The following IER5L variants were observed in gnomAD, a reference collection of about 807,000 sequenced individuals.
The protein encoded by IER5L is immediate early response 5 like.
IER5L carries 6 observed loss-of-function variants against 28.3 expected under a neutral mutation model. The ratio of observed to expected loss-of-function variants is 0.21; its 90% CI spans 0.12 to 0.42. IER5L has a LOEUF of 0.42. IER5L is among the 10% of genes least tolerant of loss of function. The probability of loss-of-function intolerance (pLI) is 1.00; values close to 1 mark genes in which losing one functional copy is unlikely to be tolerated. For missense variants in IER5L, 607 were observed against 575.2 expected (o/e 1.06, Z -0.56); for synonymous variants, 351 against 282.5 (o/e 1.24, Z -2.43).
rs760245687 is a variant in IER5L, at chr9:129,177,288, G to A, written c.765C>T (p.Thr255=). 9 of 1,464,698 alleles carry A rather than the reference G, an allele frequency of 6.1e-6. No individual in the cohort carries two copies. Among genetic ancestry groups the A allele is most frequent in the Admixed American group, 2.5e-5 (1 of 40,078 alleles). 90.7% of individuals were successfully genotyped at this position (1,464,698 alleles called of 1,614,324 possible). ...CCACGTGAGTGTCTAGGTCCAGCAC[G>A]GTGGTCTGGCTGCTGCAGTGCAAGC... ...DFGLHCSSQT[T]VLDLDTHVVT... Residue 255 remains threonine, a synonymous_variant, in exon 1 of 1, where the codon ACC becomes ACT. Coordinates refer to ENST00000372491, the MANE Select transcript of IER5L (RefSeq NM_203434.3).
In IER5L at chr9:129,176,062, G is replaced by GCCCCCCA. The variant is rs1366676581; in HGVS notation, c.*769_*775dup. The GCCCCCCA allele has an allele frequency of 6.2e-5, 2 of 32,092 alleles. No homozygotes were observed. The highest frequency in any genetic ancestry group is 2.5e-4 in the African/African-American group (2 of 8,054). The allele number at this position is 32,092 out of a possible 1,614,324, so 2.0% of individuals were successfully genotyped here. On this transcript the variant is annotated 3_prime_UTR_variant, in exon 1 of 1. Transcript: ENST00000372491. Reference sequence around the variant, plus strand: ...ATGGGAAATGTAGTCCGCCGTGCCCGCCCCCCACCCCTTACCCAGTGTCCG... The same window carrying GCCCCCCA: ...ATGGGAAATGTAGTCCGCCGTGCCCGCCCCCCACCCCCCACCCCTTACCCAGTGTCCG...
Position 129,176,928 on chromosome 9 carries a change from C to G in IER5L, c.1125G>C (p.Ser375=). 1 of 1,604,492 alleles carries G rather than the reference C, an allele frequency of 6.2e-7. No homozygotes were observed. Among genetic ancestry groups the G allele is most frequent in the Non-Finnish European group, 8.5e-7 (1 of 1,176,888 alleles). ...SGLVSRQPDS[S]EQPPPLNGQL... ...GCCCGTTGAGCGGCGGCGGCTGCTCCGAGGAGTCCGGCTGTCGGCTCACCA... is the reference window on the plus strand; with the variant it reads ...GCCCGTTGAGCGGCGGCGGCTGCTCGGAGGAGTCCGGCTGTCGGCTCACCA... The change falls in exon 1 of 1, where the codon TCG becomes TCC. Residue 375 remains serine, a synonymous_variant. Coordinates refer to ENST00000372491, the MANE Select transcript of IER5L (RefSeq NM_203434.3).
chr9:129,177,661 T>G lies in IER5L; in HGVS notation c.392A>C (p.His131Pro), dbSNP rs1387100288. Residue 131 changes from histidine to proline, a missense_variant, in exon 1 of 1, where the codon CAC becomes CCC. Coordinates refer to ENST00000372491, the MANE Select transcript of IER5L (RefSeq NM_203434.3). ...CGCCGCGCAGCCCCTGGGCGCCGGG[T>G]GCTGGTGCTGGTGCAGCTGCTGCTG... is the stretch of plus-strand genomic sequence containing the variant. ...HLQQQLHQHQ[H>P]PAPRGCAAAA... The G allele has an allele frequency of 6.7e-6, 9 of 1,349,328 alleles. No homozygotes were observed. The highest frequency in any genetic ancestry group is 7.6e-6 in the Non-Finnish European group (8 of 1,051,798). 83.6% of individuals were successfully genotyped at this position (1,349,328 alleles called of 1,614,324 possible).
Position 129,176,922 on chromosome 9 carries a change from C to A in IER5L, c.1131G>T (p.Gln377His). Residue 377 changes from glutamine (Q) to histidine (H), a missense_variant, in exon 1 of 1, where the codon CAG (glutamine) becomes CAT (histidine). Gln to His is a conservative substitution (Grantham distance 24). Coordinates refer to ENST00000372491, the MANE Select transcript of IER5L (RefSeq NM_203434.3). ...LVSRQPDSSE[Q>H]PPPLNGQLCA... The stretch of plus-strand genomic sequence containing the variant: ...ACAGCTGCCCGTTGAGCGGCGGCGG[C>A]TGCTCCGAGGAGTCCGGCTGTCGGC... 6.2e-7 allele frequency: 1 copy of A among 1,604,560 alleles called. No homozygotes were observed. Among genetic ancestry groups the A allele is most frequent in the Non-Finnish European group, 8.5e-7 (1 of 1,176,780 alleles).
chr9:129,176,391 G>A lies in IER5L; in HGVS notation c.*447C>T, dbSNP rs1829397558. On this transcript the variant is annotated 3_prime_UTR_variant, in exon 1 of 1. Transcript: ENST00000372491. ...GGGACTCGGGAGAGCGGAACGTCGGGCTTCCCGGGTCTGACAACTGATTGG... is the reference window on the plus strand; with the variant it reads ...GGGACTCGGGAGAGCGGAACGTCGGACTTCCCGGGTCTGACAACTGATTGG... The A allele has an allele frequency of 6.6e-6, 1 of 152,238 alleles. No individual in the cohort carries two copies. Among genetic ancestry groups the A allele is most frequent in the Middle Eastern group, 3.2e-3 (1 of 316 alleles). 9.4% of individuals were successfully genotyped at this position (152,238 alleles called of 1,614,324 possible).
At position 129,177,436 on chromosome 9, in the gene IER5L, G is replaced by A. The variant is rs995258571; in HGVS notation, c.617C>T (p.Ala206Val). The change falls in exon 1 of 1, where the codon GCC (alanine) becomes GTC (valine). Residue 206 changes from alanine (A) to valine (V), a missense_variant. Physicochemically the swap from Ala to Val is moderately conservative, Grantham distance 64. Transcript: ENST00000372491. ...GGCCCCTGGGGGCGCGGAGCAGGCG[G>A]CCGGGGCGCGAGGGTCCCGCGGGCA... Reference protein sequence around the residue: ...ALCPRDPRAPAACSAPPGAAP... With the variant: ...ALCPRDPRAPVACSAPPGAAP... 8 of 1,194,000 alleles carry A rather than the reference G, an allele frequency of 6.7e-6. No individual in the cohort carries two copies. The African/African-American group carries it at 8.0e-5, about 12-fold the overall frequency. The allele number at this position is 1,194,000 out of a possible 1,614,324, so 74.0% of individuals were successfully genotyped here.
rs1829423042 is a variant in IER5L at position 129,177,230 on chromosome 9, C to T, written c.823G>A (p.Asp275Asn). Residue 275 changes from aspartate (D) to asparagine (N), a missense_variant, in exon 1 of 1, where the codon GAC (aspartate) becomes AAC (asparagine). By Grantham distance (23) the Asp-to-Asn change is conservative. Coordinates refer to ENST00000372491, the MANE Select transcript of IER5L (RefSeq NM_203434.3). ...TTVENGYLHQ[D>N]CCASAHCPCC... Reference sequence around the variant, plus strand: ...GGGCAGTGGGCGGAGGCGCAGCAGTCCTGGTGCAAGTAGCCGTTCTCCACC... The same window carrying T: ...GGGCAGTGGGCGGAGGCGCAGCAGTTCTGGTGCAAGTAGCCGTTCTCCACC... 7 of 1,468,282 alleles carry T rather than the reference C, an allele frequency of 4.8e-6. No individual in the cohort carries two copies. Among genetic ancestry groups the T allele is most frequent in the Non-Finnish European group, 6.2e-6 (7 of 1,120,012 alleles). 91.0% of individuals were successfully genotyped at this position (1,468,282 alleles called of 1,614,324 possible).
Position 129,178,098 on chromosome 9 carries a change from T to C in IER5L, c.-46A>G. Reference sequence around the variant, plus strand: ...GGAGCAGCCGCCGCCGCTGCTGCTGTTAACGCTTCTGCTGTTTCTGCCTCC... The same window carrying C: ...GGAGCAGCCGCCGCCGCTGCTGCTGCTAACGCTTCTGCTGTTTCTGCCTCC... On this transcript the variant is annotated 5_prime_UTR_variant, in exon 1 of 1. Coordinates refer to ENST00000372491, the MANE Select transcript of IER5L (RefSeq NM_203434.3). 1 of 1,365,520 alleles carries C rather than the reference T, an allele frequency of 7.3e-7. No individual in the cohort carries two copies. The highest frequency in any genetic ancestry group is 9.5e-7 in the Non-Finnish European group (1 of 1,055,724). 84.6% of individuals were successfully genotyped at this position (1,365,520 alleles called of 1,614,324 possible).
In IER5L at chr9:129,176,742, C is replaced by G. The variant is rs968298804; in HGVS notation, c.*96G>C. Reference sequence around the variant, plus strand: ...TCGCCCCCAGCTCAGCCCCGAGTGGCCCGGCGCCCGCTCGTTCCCTCCTCT... The same window carrying G: ...TCGCCCCCAGCTCAGCCCCGAGTGGGCCGGCGCCCGCTCGTTCCCTCCTCT... On this transcript the variant is annotated 3_prime_UTR_variant, in exon 1 of 1. Coordinates refer to ENST00000372491, the MANE Select transcript of IER5L (RefSeq NM_203434.3). 7.2e-7 allele frequency: 1 copy of G among 1,382,038 alleles called. No homozygotes were observed. The highest frequency in any genetic ancestry group is 9.3e-7 in the Non-Finnish European group (1 of 1,071,024). The allele number at this position is 1,382,038 out of a possible 1,614,324, so 85.6% of individuals were successfully genotyped here. A position where few individuals can be genotyped will look rare whatever the true frequency, so the allele number is the denominator to read the frequency against.
chr9:129,177,355 G>A lies in IER5L; in HGVS notation c.698C>T (p.Pro233Leu), dbSNP rs756707438. 11 of 1,306,868 alleles carry A rather than the reference G, an allele frequency of 8.4e-6. No homozygotes were observed. The highest frequency in any genetic ancestry group is 2.8e-5 in the South Asian group (1 of 35,162). 81.0% of individuals were successfully genotyped at this position (1,306,868 alleles called of 1,614,324 possible). ...AGGGTATGCGCCCCGGTAGAAGCCG[G>A]GGGAGGAGGCGGGGGCCGGGGAGGC... The part of the protein sequence containing the change: ...PPASPAPASS[P>L]GFYRGAYPTP... The change falls in exon 1 of 1, where the codon CCC becomes CTC. Residue 233 changes from proline to leucine, a missense_variant. Physicochemically the swap from Pro to Leu is moderately conservative, Grantham distance 98. Transcript: ENST00000372491.
Position 129,176,994 on chromosome 9 carries a change from G to A in IER5L, c.1059C>T (p.Ile353=), listed in dbSNP as rs775834845. 1.2e-5 allele frequency: 19 copies of A among 1,600,240 alleles called. No individual in the cohort carries two copies. The highest frequency in any genetic ancestry group is 4.1e-5 in the African/African-American group (3 of 73,350). The change falls in exon 1 of 1, where the codon ATC becomes ATT. Residue 353 remains isoleucine (I), a synonymous_variant. Coordinates refer to ENST00000372491, the MANE Select transcript of IER5L (RefSeq NM_203434.3). ...AGCCAAAGATGGAGATCAAGTTTGA[G>A]ATGTTGGACGCGTCCGGGGACGAGT... The part of the protein sequence containing the change: ...CPDSSPDASN[I]SNLISIFGSG...
chr9:129,177,154 C>T lies in IER5L; in HGVS notation c.899G>A (p.Cys300Tyr). The T allele has an allele frequency of 1.4e-6, 2 of 1,468,956 alleles. No homozygotes were observed. The highest frequency in any genetic ancestry group is 2.6e-5 in the East Asian group (1 of 38,742). 91.0% of individuals were successfully genotyped at this position (1,468,956 alleles called of 1,614,324 possible). A position where few individuals can be genotyped will look rare whatever the true frequency, so the allele number is the denominator to read the frequency against. ...CTGGCCAGGGTAATACTTGCGCTTG[C>T]AGCCGGCGGCGGACGCCAGGCCCGG... Reference protein sequence around the residue: ...PGPGLASAAGCKRKYYPGQEE... With the variant: ...PGPGLASAAGYKRKYYPGQEE... Residue 300 changes from cysteine to tyrosine, a missense_variant, in exon 1 of 1, where the codon TGC becomes TAC. Coordinates refer to ENST00000372491, the MANE Select transcript of IER5L (RefSeq NM_203434.3).
In IER5L at chr9:129,176,202, G is replaced by A. The variant is rs549463039; in HGVS notation, c.*636C>T. The A allele has an allele frequency of 3.0e-4, 45 of 151,818 alleles. No individual in the cohort carries two copies. The highest frequency in any genetic ancestry group is 1.0e-3 in the African/African-American group (42 of 41,474). 9.4% of individuals were successfully genotyped at this position (151,818 alleles called of 1,614,324 possible). On this transcript the variant is annotated 3_prime_UTR_variant, in exon 1 of 1. Coordinates refer to ENST00000372491, the MANE Select transcript of IER5L (RefSeq NM_203434.3). ...GGGTTCAAGACACCCGCCCCGGGAA[G>A]AAAAGAAAAAAAAAGTTGAAGTGTT...
At position 129,177,312 on chromosome 9, in the gene IER5L, G is replaced by T; in HGVS notation, c.741C>A (p.Gly247=). 7.0e-7 allele frequency: 1 copy of T among 1,425,796 alleles called. No individual in the cohort carries two copies. The highest frequency in any genetic ancestry group is 9.1e-7 in the Non-Finnish European group (1 of 1,093,016). The allele number at this position is 1,425,796 out of a possible 1,614,324, so 88.3% of individuals were successfully genotyped here. The stretch of plus-strand genomic sequence containing the variant: ...CGGTGGTCTGGCTGCTGCAGTGCAA[G>T]CCGAAGTCCGAAGGGGTAGGGTATG... ...RGAYPTPSDF[G]LHCSSQTTVL... The change falls in exon 1 of 1, where the codon GGC becomes GGA. Residue 247 remains glycine, a synonymous_variant. Transcript: ENST00000372491.
chr9:129,177,406 G>A lies in IER5L; in HGVS notation c.647C>T (p.Pro216Leu). Residue 216 changes from proline (P) to leucine (L), a missense_variant, in exon 1 of 1, where the codon CCT becomes CTT. Pro to Leu is a moderately conservative substitution (Grantham distance 98). Coordinates refer to ENST00000372491, the MANE Select transcript of IER5L (RefSeq NM_203434.3). ...GGGCGGAGAAGCGGCGGCGGCCGGA[G>A]GGGCGGCCCCTGGGGGCGCGGAGCA... ...AACSAPPGAAPPAAAASPPAS... is the reference protein window; with the variant it reads ...AACSAPPGAALPAAAASPPAS... 1.6e-6 allele frequency: 2 copies of A among 1,239,174 alleles called. No individual in the cohort carries two copies. Among genetic ancestry groups the A allele is most frequent in the Non-Finnish European group, 2.0e-6 (2 of 991,670 alleles). 76.8% of individuals were successfully genotyped at this position (1,239,174 alleles called of 1,614,324 possible).
rs1181292315 is a variant in IER5L at position 129,176,914 on chromosome 9, G to A, written c.1139C>T (p.Pro380Leu). The A allele has an allele frequency of 6.2e-7, 1 of 1,604,266 alleles. No individual in the cohort carries two copies. Among genetic ancestry groups the A allele is most frequent in the African/African-American group, 1.3e-5 (1 of 74,080 alleles). Residue 380 changes from proline (P) to leucine (L), a missense_variant, in exon 1 of 1, where the codon CCG becomes CTG. Pro to Leu is a moderately conservative substitution (Grantham distance 98). Coordinates refer to ENST00000372491, the MANE Select transcript of IER5L (RefSeq NM_203434.3). ...RQPDSSEQPPPLNGQLCAKQA... is the reference protein window; with the variant it reads ...RQPDSSEQPPLLNGQLCAKQA... The stretch of plus-strand genomic sequence containing the variant: ...CTTGGCGCACAGCTGCCCGTTGAGC[G>A]GCGGCGGCTGCTCCGAGGAGTCCGG...
chr9:129,178,211 C>T lies in IER5L; in HGVS notation c.-159G>A. ...TCCGAAAGGAGCCGCCACCATGCGCCGCGCGCCACCCGCGGGCTCGCGCTC... is the reference window on the plus strand; with the variant it reads ...TCCGAAAGGAGCCGCCACCATGCGCTGCGCGCCACCCGCGGGCTCGCGCTC... On this transcript the variant is annotated 5_prime_UTR_variant, in exon 1 of 1. Transcript: ENST00000372491. 4 of 547,618 alleles carry T rather than the reference C, an allele frequency of 7.3e-6. No homozygotes were observed. The highest frequency in any genetic ancestry group is 8.5e-6 in the Non-Finnish European group (3 of 354,410). 33.9% of individuals were successfully genotyped at this position (547,618 alleles called of 1,614,324 possible).
rs1041280506 is a variant in IER5L, at chr9:129,178,257, T to C, written c.-205A>G. On this transcript the variant is annotated 5_prime_UTR_variant, in exon 1 of 1. Transcript: ENST00000372491. ...CGCTCCCCAGACGGCGCCAAAGCAA[T>C]GAGTCTCGGCCGGCCCCGGCCCCAG... The C allele has an allele frequency of 6.9e-6, 3 of 432,222 alleles. No individual in the cohort carries two copies. The highest frequency in any genetic ancestry group is 8.0e-6 in the Non-Finnish European group (2 of 250,234). 26.8% of individuals were successfully genotyped at this position (432,222 alleles called of 1,614,324 possible). A position where few individuals can be genotyped will look rare whatever the true frequency, so the allele number is the denominator to read the frequency against.
In IER5L at chr9:129,177,173, G is replaced by A. The variant is rs1376402434; in HGVS notation, c.880C>T (p.Leu294=). Residue 294 remains leucine (L), a synonymous_variant, in exon 1 of 1, where the codon CTG becomes TTG. Coordinates refer to ENST00000372491, the MANE Select transcript of IER5L (RefSeq NM_203434.3). ...CCGQGAPGPG[L]ASAAGCKRKY... is the part of the protein sequence containing the mutation. ...CGCTTGCAGCCGGCGGCGGACGCCA[G>A]GCCCGGTCCCGGAGCGCCCTGGCCA... 4 of 1,478,844 alleles carry A rather than the reference G, an allele frequency of 2.7e-6. No homozygotes were observed. The highest frequency in any genetic ancestry group is 2.5e-5 in the Admixed American group (1 of 40,048). The allele number at this position is 1,478,844 out of a possible 1,614,324, so 91.6% of individuals were successfully genotyped here. A position where few individuals can be genotyped will look rare whatever the true frequency, so the allele number is the denominator to read the frequency against.
Sources: allele counts gnomAD v4.1 joint callset, GRCh38; gene constraint gnomAD v4.1.1; transcripts MANE v1.5; gene names NCBI Gene and HGNC (gene_info 2026-07-23, HGNC 2026-07-21).